The following GRB7 variants were observed in gnomAD, a reference collection of about 807,000 sequenced individuals.
GRB7 encodes growth factor receptor bound protein 7, also known as growth factor receptor-bound protein 7.
GRB7 carries 47 observed loss-of-function variants against 64.1 expected under a neutral mutation model. The observed-to-expected ratio is 0.73, with a 90% CI of 0.58 to 0.94. The LOEUF is 0.94. Among genes scored for constraint, GRB7 ranks in the 40% least tolerant of loss-of-function variants. The pLI is 0.00. For missense variants in GRB7, 634 were observed against 718.4 expected (o/e 0.88, Z 1.34); for synonymous variants, 277 against 279.9 (o/e 0.99, Z 0.10).
chr17:39,744,751 A>T, intron 8 of GRB7, 88 bp downstream of exon 8: 1 of 1,332,208 alleles, frequency 7.5e-7, no homozygotes, highest in South Asian at 1.2e-5. Context: ...CTGAGCCCCA[A>T]TTCAGACACC....
Position 39,742,891 on chromosome 17 carries a change from G to T in GRB7, c.307-7G>T. On this transcript the variant is annotated splice_region_variant and splice_polypyrimidine_tract_variant and intron_variant, in intron 3 of 14. Coordinates refer to ENST00000309156, the MANE Select transcript of GRB7 (RefSeq NM_005310.5). ...CCCTCAAGTCGTGTGCAATTCCTGG[G>T]GCGCAGGTAGTAAAGGTGTACAGTG... The T allele has an allele frequency of 1.3e-6, 2 of 1,571,924 alleles. No individual in the cohort carries two copies. The highest frequency in any genetic ancestry group is 1.7e-6 in the Non-Finnish European group (2 of 1,156,154).
chr17:39,739,392 G>A (rs1447315127), intron 1 of GRB7, among the ~76,000 whole-genome samples: 2 of 152,192 alleles, frequency 1.3e-5, no homozygotes, highest in Non-Finnish European at 2.9e-5. Flanking sequence ...GAGTGGGCGG[G>A]GCCTCAGAGT....
At position 39,742,437 on chromosome 17, in the gene GRB7, C is replaced by T. The variant is rs1221820422; in HGVS notation, c.136C>T (p.Leu46Phe). 6.2e-7 allele frequency: 1 copy of T among 1,613,880 alleles called. No homozygotes were observed. The highest frequency in any genetic ancestry group is 1.3e-5 in the African/African-American group (1 of 74,924). The change falls in exon 2 of 15, where the codon CTC (leucine) becomes TTC (phenylalanine). Residue 46 changes from leucine (L) to phenylalanine (F), a missense_variant. By Grantham distance (22) the Leu-to-Phe change is conservative (BLOSUM62 0). This residue lies in a region of GRB7 where 167 missense variants were observed against 141.9 expected (regional missense o/e 1.18). Coordinates refer to ENST00000309156, the MANE Select transcript of GRB7 (RefSeq NM_005310.5). ...PEEVKRSQPL[L>F]IPTTGRKLRE... ...GGAGGTAAAGAGGTCCCAGCCTCTC[C>T]TCATCCCAACCACCGGCAGGTACGA...
chr17:39,742,923 G>C lies in GRB7; in HGVS notation c.332G>C (p.Gly111Ala), dbSNP rs2060009286. 6.2e-7 allele frequency: 1 copy of C among 1,607,242 alleles called. No individual in the cohort carries two copies. Among genetic ancestry groups the C allele is most frequent in the Admixed American group, 1.7e-5 (1 of 59,126 alleles). The change falls in exon 4 of 15, where the codon GGG becomes GCG. Residue 111 changes from glycine (G) to alanine (A), a missense_variant. Gly to Ala is a moderately conservative substitution (Grantham distance 60). This residue lies in a region of GRB7 where 467 missense variants were observed against 576.6 expected (regional missense o/e 0.81). Transcript: ENST00000309156. The part of the protein sequence containing the change: ...PHVVKVYSED[G>A]ACRSVEVAAG... ...GTAGTAAAGGTGTACAGTGAGGATGGGGCCTGCAGGTCTGTGGAGGTGGCA... is the reference window on the plus strand; with the variant it reads ...GTAGTAAAGGTGTACAGTGAGGATGCGGCCTGCAGGTCTGTGGAGGTGGCA...
At position 39,742,343 on chromosome 17, in the gene GRB7, G is replaced by A. The variant is rs574719308; in HGVS notation, c.42G>A (p.Pro14=). The A allele has an allele frequency of 4.0e-5, 65 of 1,614,026 alleles. No homozygotes were observed. Among genetic ancestry groups the A allele is most frequent in the Admixed American group, 2.0e-4 (12 of 60,016 alleles). Residue 14 remains proline (P), a synonymous_variant, in exon 2 of 15, where the codon CCG becomes CCA. Transcript: ENST00000309156. ...DLSPPHLSSS[P]EDLCPAPGTP... is the part of the protein sequence containing the mutation. The stretch of plus-strand genomic sequence containing the variant: ...CTCCACCTCATCTTAGCAGCTCTCC[G>A]GAAGACCTTTGCCCAGCCCCTGGGA...
chr17:39,746,030 G>A (rs375238866), intron 13 of GRB7, 30 bp downstream of exon 13: 1 of 1,613,438 alleles, frequency 6.2e-7, no homozygotes, highest in Non-Finnish European at 8.5e-7. Context: ...AACAGACCCA[G>A]GGATAAGAGA....
rs946221595 is a variant in GRB7 at position 39,745,953 on chromosome 17, C to G, written c.1311C>G (p.Ser437=). The G allele has an allele frequency of 6.2e-7, 1 of 1,614,080 alleles. No individual in the cohort carries two copies. Among genetic ancestry groups the G allele is most frequent in the Non-Finnish European group, 8.5e-7 (1 of 1,179,946 alleles). Residue 437 remains serine, a synonymous_variant, in exon 13 of 15, where the codon TCC becomes TCG. Transcript: ENST00000309156. ...AACTCTGGTTCCACGGGCGCATTTC[C>G]CGTGAGGAGAGCCAGCGGCTTATTG... ...RTQLWFHGRI[S]REESQRLIGQ...
intron 1 of GRB7, among the ~76,000 whole-genome samples, chr17:39,739,624 A>T (rs1597901518): frequency 6.6e-6 from 1 of 152,086 alleles, no homozygotes; most frequent in African/African-American, 2.4e-5. Context: ...GGCCCTGAAC[A>T]CCGGGCCCCG....
Position 39,742,390 on chromosome 17 carries a change from C to T in GRB7, c.89C>T (p.Pro30Leu), listed in dbSNP as rs989885872. The T allele has an allele frequency of 3.7e-6, 6 of 1,613,898 alleles. No individual in the cohort carries two copies. The East Asian group carries it at 6.7e-5, about 18-fold the overall frequency. The change falls in exon 2 of 15, where the codon CCC becomes CTC. Residue 30 changes from proline to leucine, a missense_variant. Transcript: ENST00000309156. ...GGGACCCCTCCTGGGACTCCCCGGCCCCCTGATACCCCTCTGCCTGAGGAG... is the reference window on the plus strand; with the variant it reads ...GGGACCCCTCCTGGGACTCCCCGGCTCCCTGATACCCCTCTGCCTGAGGAG... ...APGTPPGTPR[P>L]PDTPLPEEVK...
Position 39,744,905 on chromosome 17 carries a change from G to A in GRB7, c.932G>A (p.Gly311Asp). The change falls in exon 9 of 15, where the codon GGC becomes GAC. Residue 311 changes from glycine to aspartate, a missense_variant. This residue lies in a region of GRB7 where 467 missense variants were observed against 576.6 expected (regional missense o/e 0.81). Coordinates refer to ENST00000309156, the MANE Select transcript of GRB7 (RefSeq NM_005310.5). ...FCVKPNKLRN[G>D]HKGLRIFCSE... ...CTGCAGCCCAACAAGCTTCGAAATG[G>A]CCACAAGGGGCTTCGGATCTTCTGC... 6.2e-7 allele frequency: 1 copy of A among 1,614,082 alleles called. No individual in the cohort carries two copies. The highest frequency in any genetic ancestry group is 8.5e-7 in the Non-Finnish European group (1 of 1,179,956).
chr17:39,738,649 C>G (rs754652583), intron 1 of GRB7: 42 of 407,846 alleles, frequency 1.0e-4, no homozygotes, highest in African/African-American at 1.6e-4. Context: ...TTCTCTCCTC[C>G]GACTTGGCTT....
chr17:39,740,652 C>T (rs2059987314), intron 1 of GRB7, among the ~76,000 whole-genome samples: 1 of 152,002 alleles, frequency 6.6e-6, no homozygotes, highest in African/African-American at 2.4e-5. Context: ...CCCACATCCT[C>T]CTCCCCCATC....
At position 39,742,547 on chromosome 17, in the gene GRB7, C is replaced by G; in HGVS notation, c.156-19C>G. ...TGCTCCCTTCCCCACACCTCTCTCC[C>G]TTTTTCTTCTTGCCACAGGAAACTT... On this transcript the variant is annotated intron_variant, in intron 2 of 14. Coordinates refer to ENST00000309156, the MANE Select transcript of GRB7 (RefSeq NM_005310.5). 1 of 1,613,874 alleles carries G rather than the reference C, an allele frequency of 6.2e-7. No individual in the cohort carries two copies. The highest frequency in any genetic ancestry group is 8.5e-7 in the Non-Finnish European group (1 of 1,179,988).
intron 8 of GRB7, 46 bp from the exon 9 acceptor site, chr17:39,744,840 G>A (rs757791364): frequency 2.7e-6 from 4 of 1,502,208 alleles, no homozygotes; most frequent in Non-Finnish European, 3.7e-6. Context: ...GCAGACATGT[G>A]GTCCTAAAGG....
In GRB7 at chr17:39,744,072, C is replaced by A. The variant is rs866095450; in HGVS notation, c.666C>A (p.Asn222Lys). Residue 222 changes from asparagine (N) to lysine (K), a missense_variant and splice_region_variant, in exon 7 of 15, where the codon AAC becomes AAA. Transcript: ENST00000309156. ...TGISHEDLIQNFLNAGSFPEI... is the reference protein window; with the variant it reads ...TGISHEDLIQKFLNAGSFPEI... ...TCCTCTGCTCTCCTCTGGCTCAGAA[C>A]TTCCTGAATGCTGGCAGCTTTCCTG... is the stretch of plus-strand genomic sequence containing the variant. 6.2e-7 allele frequency: 1 copy of A among 1,614,064 alleles called. No individual in the cohort carries two copies. The highest frequency in any genetic ancestry group is 1.3e-5 in the African/African-American group (1 of 74,934).
chr17:39,742,008 A>T (rs994527982), intron 1 of GRB7, among the ~76,000 whole-genome samples: 1 of 151,008 alleles, frequency 6.6e-6, no homozygotes, highest in African/African-American at 2.4e-5. Flanking sequence ...AAAAAAACAG[A>T]AAGAGCACTG....
chr17:39,746,787 G>A lies in GRB7; in HGVS notation c.1489G>A (p.Asp497Asn), dbSNP rs775042852. 1.2e-6 allele frequency: 2 copies of A among 1,613,988 alleles called. No homozygotes were observed. Among genetic ancestry groups the A allele is most frequent in the Admixed American group, 1.7e-5 (1 of 60,012 alleles). Reference sequence around the variant, plus strand: ...GGGCCGCCTGTACTTCAGCATGGATGATGGCCAGACCCGCTTCACTGACCT... The same window carrying A: ...GGGCCGCCTGTACTTCAGCATGGATAATGGCCAGACCCGCTTCACTGACCT... ...EEGRLYFSMD[D>N]GQTRFTDLLQ... is the part of the protein sequence containing the mutation. Residue 497 changes from aspartate (D) to asparagine (N), a missense_variant, in exon 15 of 15, where the codon GAT (aspartate) becomes AAT (asparagine). Transcript: ENST00000309156.
Position 39,742,569 on chromosome 17 carries a change from A to T in GRB7, c.159A>T (p.Lys53Asn). Residue 53 changes from lysine (K) to asparagine (N), a missense_variant, in exon 3 of 15, where the codon AAA becomes AAT. Around this residue, in one of 2 missense-constraint regions of GRB7, gnomAD observed 167 missense variants for 141.9 expected, o/e 1.18. Transcript: ENST00000309156. ...QPLLIPTTGR[K>N]LREEERRATS... Reference sequence around the variant, plus strand: ...TCCCTTTTTCTTCTTGCCACAGGAAACTTCGAGAGGAGGAGAGGCGTGCCA... The same window carrying T: ...TCCCTTTTTCTTCTTGCCACAGGAATCTTCGAGAGGAGGAGAGGCGTGCCA... 1.2e-6 allele frequency: 2 copies of T among 1,613,652 alleles called. No individual in the cohort carries two copies. Among genetic ancestry groups the T allele is most frequent in the Non-Finnish European group, 1.7e-6 (2 of 1,179,962 alleles).
chr17:39,744,060 T>C lies in GRB7; in HGVS notation c.664-10T>C. On this transcript the variant is annotated splice_polypyrimidine_tract_variant and intron_variant, in intron 6 of 14. Transcript: ENST00000309156. ...GACCTGTCACTCTCCTCTGCTCTCC[T>C]CTGGCTCAGAACTTCCTGAATGCTG... 1 of 1,614,144 alleles carries C rather than the reference T, an allele frequency of 6.2e-7. No individual in the cohort carries two copies. The highest frequency in any genetic ancestry group is 2.2e-5 in the East Asian group (1 of 44,888).
Sources: gnomAD v4.1 joint callset for allele counts (sites outside exome capture counted in the v4.1 genomes callset) on GRCh38, gnomAD v4.1.1 for gene constraint, gnomAD v4.1.1 regional missense constraint, MANE v1.5 for transcripts, NCBI Gene and HGNC (gene_info 2026-07-23, HGNC 2026-07-21) for gene names.